The following UGP2 variants were observed in gnomAD, a reference collection of about 807,000 sequenced individuals.
UGP2 encodes UTP--glucose-1-phosphate uridylyltransferase.
UGP2 carries 40 observed loss-of-function variants against 49.0 expected under a neutral mutation model. That is an observed-to-expected ratio of 0.82 (90% CI 0.63 to 1.06). UGP2 has a LOEUF of 1.06. Among genes scored for constraint, UGP2 ranks in the 50% least tolerant of loss-of-function variants. The pLI, the probability that UGP2 is intolerant of heterozygous loss-of-function variation, is 0.00. For synonymous variants in UGP2, 225 were observed against 213.0 expected, an observed-to-expected ratio of 1.06 and a Z score of -0.49; for missense variants, 460 against 603.5, an observed-to-expected ratio of 0.76 and a Z score of 2.49.
rs181007461 is a variant in UGP2, at chr2:63,854,743, G to C, written c.20-1563G>C. The C allele has an allele frequency of 1.3e-4, 20 of 152,316 alleles. No individual in the cohort carries two copies. The East Asian group carries it at 1.9e-3, about 15-fold the overall frequency. The allele number at this position is 152,316 out of a possible 1,614,324, so 9.4% of individuals were successfully genotyped here. A position where few individuals can be genotyped will look rare whatever the true frequency, so the allele number is the denominator to read the frequency against. On this transcript the variant is annotated intron_variant, in intron 1 of 9. Coordinates refer to ENST00000337130, the MANE Select transcript of UGP2 (RefSeq NM_006759.4). Reference sequence around the variant, plus strand: ...GACAGGCTTGTTGTAATGTTCTTTTGTTTAAGCCGATTATATTTATAAAGA... The same window carrying C: ...GACAGGCTTGTTGTAATGTTCTTTTCTTTAAGCCGATTATATTTATAAAGA...
rs1671642902 is a variant in UGP2 at position 63,842,590 on chromosome 2, G to GA, written c.19+390dup. On this transcript the variant is annotated intron_variant, in intron 1 of 9. Coordinates refer to ENST00000337130, the MANE Select transcript of UGP2 (RefSeq NM_006759.4). ...AGGGCTGGGGAAGCGGGAGGACTGA[G>GA]AAAAGCCGGGTGGGTTTTGCCGGGA... 31 of 1,477,830 alleles carry GA rather than the reference G, an allele frequency of 2.1e-5. No homozygotes were observed. The East Asian group carries it at 7.7e-4, about 37-fold the overall frequency. The allele number at this position is 1,477,830 out of a possible 1,614,324, so 91.5% of individuals were successfully genotyped here.
intron 4 of UGP2, 85 bp from the exon 5 acceptor site, chr2:63,883,875 T>C: frequency 2.7e-6 from 4 of 1,484,136 alleles, no homozygotes; most frequent in Non-Finnish European, 3.6e-6. Flanking sequence ...AGATATTTTA[T>C]GATTTAACCA....
rs776077450 is a variant in UGP2 at position 63,857,856 on chromosome 2, C to T, written c.175C>T (p.Arg59Trp). ...CACCAAAAAAGACCTGGATGGATTT[C>T]GGAAGCTATTTCATAGATTTTTGCA... Reference protein sequence around the residue: ...EHTKKDLDGFRKLFHRFLQEK... With the variant: ...EHTKKDLDGFWKLFHRFLQEK... The change falls in exon 3 of 10, where the codon CGG becomes TGG. Residue 59 changes from arginine to tryptophan, a missense_variant. Arg to Trp is a moderately radical substitution (Grantham distance 101). Transcript: ENST00000337130. 2.5e-6 allele frequency: 4 copies of T among 1,613,934 alleles called. No homozygotes were observed. The highest frequency in any genetic ancestry group is 3.4e-6 in the Non-Finnish European group (4 of 1,179,956).
At chr2:63,841,470 C>T (rs1311203244), upstream of UGP2, among the ~76,000 whole-genome samples, 2 of 151,860 alleles carry the variant, frequency 1.3e-5, no homozygotes, top group African/African-American at 2.4e-5. Flanking sequence ...GTGTCCGCTG[C>T]GGGGGAGGGG....
chr2:63,881,686 G>T (rs920481510), intron 3 of UGP2, among the ~76,000 whole-genome samples: 4 of 152,206 alleles, frequency 2.6e-5, no homozygotes, highest in African/African-American at 9.7e-5. Context: ...TTTCCTGTAA[G>T]GGAGAAGTTA....
Position 63,890,134 on chromosome 2 carries a change from T to A in UGP2, c.1368T>A (p.Asp456Glu). Residue 456 changes from aspartate (D) to glutamate (E), a missense_variant, in exon 9 of 10, where the codon GAT becomes GAA. Transcript: ENST00000337130. Reference sequence around the variant, plus strand: ...GTATACCAGATATGCTTGAATTGGATCACCTCACAGTTTCAGGAGATGTGA... The same window carrying A: ...GTATACCAGATATGCTTGAATTGGAACACCTCACAGTTTCAGGAGATGTGA... ...FESIPDMLELDHLTVSGDVTF... is the reference protein window; with the variant it reads ...FESIPDMLELEHLTVSGDVTF... The A allele has an allele frequency of 6.2e-7, 1 of 1,612,758 alleles. No homozygotes were observed. Among genetic ancestry groups the A allele is most frequent in the Non-Finnish European group, 8.5e-7 (1 of 1,179,572 alleles).
At chr2:63,884,145 T>G (rs1411923329) in intron 5 of UGP2, 52 bp downstream of exon 5, 2 of 1,599,388 alleles carry the variant, frequency 1.3e-6, no homozygotes, top group Non-Finnish European at 1.7e-6. Context: ...GGAAAGGACT[T>G]CTTTATCTTG....
At chr2:63,872,693 G>A (rs1670636958) in intron 3 of UGP2, among the ~76,000 whole-genome samples, 1 of 151,536 alleles carries the variant, frequency 6.6e-6, no homozygotes, top group Non-Finnish European at 1.5e-5. Flanking sequence ...ATTGAATCGG[G>A]TCACGGAGGA....
chr2:63,861,726 C>A (rs1429596779), intron 3 of UGP2, among the ~76,000 whole-genome samples: 1 of 148,656 alleles, frequency 6.7e-6, no homozygotes, highest in Non-Finnish European at 1.5e-5. Flanking sequence ...TTTTTCATTT[C>A]AATATTTAAT....
chr2:63,844,971 AG>A (rs1671832464), intron 1 of UGP2, among the ~76,000 whole-genome samples: 1 of 152,250 alleles, frequency 6.6e-6, no homozygotes, highest in African/African-American at 2.4e-5. Context: ...CTAGACTGTC[AG>A]TTCCCATTGG....
chr2:63,871,154 C>A (rs1344911330), intron 3 of UGP2, among the ~76,000 whole-genome samples: 2 of 152,136 alleles, frequency 1.3e-5, no homozygotes, highest in Admixed American at 1.3e-4. Flanking sequence ...ACTTTTTCAT[C>A]TTGTAAAACT....
chr2:63,883,032 T>C (rs1001389162), intron 4 of UGP2, among the ~76,000 whole-genome samples: 1 of 152,204 alleles, frequency 6.6e-6, no homozygotes, highest in African/African-American at 2.4e-5. Flanking sequence ...TCATGCATGC[T>C]AAGAACTGTT....
In UGP2 at chr2:63,885,677, G is replaced by A; in HGVS notation, c.664G>A (p.Gly222Ser). 1 of 1,613,848 alleles carries A rather than the reference G, an allele frequency of 6.2e-7. No homozygotes were observed. The highest frequency in any genetic ancestry group is 1.1e-5 in the South Asian group (1 of 91,058). ...AAATACAGAAGCTTGGTACCCTCCA[G>A]GTCATGGTGATATTTACGCCAGTTT... ...GENTEAWYPPGHGDIYASFYN... is the reference protein window; with the variant it reads ...GENTEAWYPPSHGDIYASFYN... Residue 222 changes from glycine to serine, a missense_variant, in exon 6 of 10, where the codon GGT (glycine) becomes AGT (serine). Around this residue, in one of 2 missense-constraint regions of UGP2, gnomAD observed 317 missense variants for 473.0 expected, o/e 0.67. Transcript: ENST00000337130.
intron 1 of UGP2, chr2:63,855,512 CT>C (rs907562199): frequency 1.7e-5 from 4 of 235,026 alleles, no homozygotes; most frequent in African/African-American, 9.2e-5. Flanking sequence ...TGGGGTGTTT[CT>C]TTTTCTGTTT....
At chr2:63,887,274 A>G in intron 7 of UGP2, 128 bp from the exon 8 acceptor site, 2 of 1,407,274 alleles carry the variant, frequency 1.4e-6, no homozygotes, top group Non-Finnish European at 1.9e-6. Context: ...CAAAAAAAAA[A>G]AAAAATTTTT....
At chr2:63,878,354 T>G (rs112388117) in intron 3 of UGP2, among the ~76,000 whole-genome samples, 5 of 152,330 alleles carry the variant, frequency 3.3e-5, no homozygotes, top group African/African-American at 1.2e-4. Flanking sequence ...TCTCACCCTA[T>G]TTGTCACTGA....
chr2:63,843,542 G>A (rs947247140), intron 1 of UGP2, among the ~76,000 whole-genome samples: 4 of 152,222 alleles, frequency 2.6e-5, no homozygotes, highest in African/African-American at 9.6e-5. Context: ...AACCCAAGGT[G>A]TTCCATGTAG....
chr2:63,877,749 T>G (rs1189018131), intron 3 of UGP2, among the ~76,000 whole-genome samples: 1 of 150,966 alleles, frequency 6.6e-6, no homozygotes, highest in Non-Finnish European at 1.5e-5. Context: ...ATCCCAGCAC[T>G]TGGGGAGGCC....
At chr2:63,855,927 GTGCCCGGCTA>G (rs751929943) in intron 1 of UGP2, 46 of 215,136 alleles carry the variant, frequency 2.1e-4, no homozygotes, top group Admixed American at 1.7e-3. Context: ...TGTCACAGAA[GTGCCCGGCTA>G]TGCCAAAAGC....
Sources: gnomAD v4.1 joint callset for allele counts (sites outside exome capture counted in the v4.1 genomes callset) on GRCh38, gnomAD v4.1.1 for gene constraint, gnomAD v4.1.1 regional missense constraint, MANE v1.5 for transcripts, NCBI Gene and HGNC (gene_info 2026-07-23, HGNC 2026-07-21) for gene names.